The following SPIDR variants were observed in gnomAD, a reference collection of about 807,000 sequenced individuals.
SPIDR encodes DNA repair-scaffolding protein.
In SPIDR, 93 loss-of-function variants were observed where a neutral mutation model predicts 104.6. The ratio of observed to expected loss-of-function variants is 0.89; its 90% CI spans 0.75 to 1.06. The LOEUF (loss-of-function observed/expected upper bound fraction) is 1.06, where lower values mean the gene tolerates loss of function less well. Among genes scored for constraint, SPIDR ranks in the 50% least tolerant of loss-of-function variants. The probability of loss-of-function intolerance (pLI) is 0.00; values close to 1 mark genes in which losing one functional copy is unlikely to be tolerated. For missense variants in SPIDR, 1,154 were observed against 1,111.2 expected (o/e 1.04, Z -0.55); for synonymous variants, 431 against 416.9 (o/e 1.03, Z -0.41).
At chr8:47,432,309 TA>T (rs2067500689) in intron 7 of SPIDR, among the ~76,000 whole-genome samples, 1 of 152,244 alleles carries the variant, frequency 6.6e-6, no homozygotes, top group African/African-American at 2.4e-5. Context: ...TGGAATGTTT[TA>T]TTTGTTTTTC....
chr8:47,580,725 C>G (rs2059623623), intron 8 of SPIDR, among the ~76,000 whole-genome samples: 1 of 150,972 alleles, frequency 6.6e-6, no homozygotes, highest in South Asian at 2.1e-4. Flanking sequence ...TCAGTTGTTA[C>G]AAGGTCTGGT....
intron 2 of SPIDR, among the ~76,000 whole-genome samples, chr8:47,281,669 G>C (rs1261553739): frequency 6.6e-6 from 1 of 152,172 alleles, no homozygotes; most frequent in Non-Finnish European, 1.5e-5. Context: ...TTCTCTTGCT[G>C]TTTCTATCAC....
chr8:47,275,861 TG>T (rs1165523302), intron 1 of SPIDR, among the ~76,000 whole-genome samples: 1 of 152,178 alleles, frequency 6.6e-6, no homozygotes, highest in Non-Finnish European at 1.5e-5. Context: ...TTTTGTTTTT[TG>T]TTGGTTTGTT....
intron 5 of SPIDR, among the ~76,000 whole-genome samples, chr8:47,357,514 T>C (rs2054795130): frequency 6.6e-6 from 1 of 152,196 alleles, no homozygotes; most frequent in Admixed American, 6.5e-5. Flanking sequence ...GAGAAGAAAT[T>C]CGCTCAAATC....
At chr8:47,328,563 T>C (rs782566983) in intron 5 of SPIDR, among the ~76,000 whole-genome samples, 1 of 152,116 alleles carries the variant, frequency 6.6e-6, no homozygotes, top group Non-Finnish European at 1.5e-5. Context: ...CCAACTTCAT[T>C]TTTTTGAATA....
rs539500977 is a variant in SPIDR, at chr8:47,449,065, G to A, written c.1097+8523G>A. On this transcript the variant is annotated intron_variant, in intron 8 of 19. Coordinates refer to ENST00000297423, the MANE Select transcript of SPIDR (RefSeq NM_001080394.4). ...TGGAAGGGCAGAATAAATGCATCTC[G>A]GAGGCTGTGGGAGTAGCTCAAGTGT... is the stretch of plus-strand genomic sequence containing the variant. 4.6e-5 allele frequency among the ~76,000 whole-genome samples: 7 copies of A among 152,226 alleles called. No homozygotes were observed. The South Asian group carries it at 1.2e-3, about 27-fold the overall frequency.
chr8:47,569,259 A>G (rs1388793931), intron 8 of SPIDR, among the ~76,000 whole-genome samples: 1 of 152,138 alleles, frequency 6.6e-6, no homozygotes, highest in Non-Finnish European at 1.5e-5. Flanking sequence ...GTGCCCCAGA[A>G]TATAAGAAGT....
intron 19 of SPIDR, among the ~76,000 whole-genome samples, 183 bp from the exon 20 acceptor site, chr8:47,735,124 G>A (rs1015539867): frequency 3.4e-5 from 5 of 149,194 alleles, no homozygotes; most frequent in African/African-American, 1.3e-4. Flanking sequence ...GTGTGTGTGT[G>A]TGTGTGTGTG....
chr8:47,436,755 A>G (rs1204749324), intron 7 of SPIDR, among the ~76,000 whole-genome samples: 3 of 152,236 alleles, frequency 2.0e-5, no homozygotes, highest in Non-Finnish European at 4.4e-5. Context: ...TGCCTCAAGC[A>G]CATTTTTGGT....
intron 8 of SPIDR, among the ~76,000 whole-genome samples, chr8:47,558,483 C>T (rs11782572): frequency 0.44 from 67,305 of 151,686 alleles, 18,354 homozygotes; most frequent in East Asian, 0.66. Context: ...TTTGTAGCTC[C>T]GATTGAACAC....
At position 47,261,004 on chromosome 8, in the gene SPIDR, G is replaced by T. The variant is rs961010982; in HGVS notation, c.33+13G>T. 7.3e-6 allele frequency: 9 copies of T among 1,227,900 alleles called. No individual in the cohort carries two copies. The highest frequency in any genetic ancestry group is 4.7e-5 in the African/African-American group (3 of 64,152). The allele number at this position is 1,227,900 out of a possible 1,614,324, so 76.1% of individuals were successfully genotyped here. ...TCGGGGCTCTAAGGTAGGCTCTGGG[G>T]CGGGAGTGGGCGCCGCGCCGTTTCC... is the stretch of plus-strand genomic sequence containing the variant. On this transcript the variant is annotated intron_variant, in intron 1 of 19. Coordinates refer to ENST00000297423, the MANE Select transcript of SPIDR (RefSeq NM_001080394.4).
intron 2 of SPIDR, 80 bp downstream of exon 2, chr8:47,280,097 T>A (rs943048220): frequency 1.4e-6 from 2 of 1,379,952 alleles, no homozygotes; most frequent in African/African-American, 2.9e-5. Context: ...TTACATTTCA[T>A]TGTAATTCCC....
At position 47,598,995 on chromosome 8, in the gene SPIDR, A is replaced by G. The variant is rs1243485095; in HGVS notation, c.1343A>G (p.His448Arg). Residue 448 changes from histidine (H) to arginine (R), a missense_variant, in exon 10 of 20, where the codon CAC becomes CGC. By Grantham distance (29) the His-to-Arg change is conservative. Transcript: ENST00000297423. Reference sequence around the variant, plus strand: ...ACAGGGACAGCCTGGACCCATGGGCACAAAGAAGCAAAACAGCGCATCCCA... The same window carrying G: ...ACAGGGACAGCCTGGACCCATGGGCGCAAAGAAGCAAAACAGCGCATCCCA... ...ATTGTAWTHG[H>R]KEAKQRIPTS... 1 of 1,613,876 alleles carries G rather than the reference A, an allele frequency of 6.2e-7. No individual in the cohort carries two copies. Among genetic ancestry groups the G allele is most frequent in the East Asian group, 2.2e-5 (1 of 44,884 alleles).
chr8:47,578,750 T>C (rs1383223027), intron 8 of SPIDR, among the ~76,000 whole-genome samples: 1 of 152,194 alleles, frequency 6.6e-6, no homozygotes, highest in Admixed American at 6.6e-5. Flanking sequence ...ATATAAAATA[T>C]GGTCTGTTCC....
chr8:47,462,475 C>T (rs2074104144), intron 8 of SPIDR, among the ~76,000 whole-genome samples: 1 of 152,080 alleles, frequency 6.6e-6, no homozygotes, highest in Non-Finnish European at 1.5e-5. Flanking sequence ...AGTCCTGCCT[C>T]CTGTCTATCA....
intron 10 of SPIDR, chr8:47,659,620 C>G (rs2073696053): frequency 6.6e-6 from 1 of 150,808 alleles, no homozygotes; most frequent in East Asian, 2.0e-4. Context: ...GCGTCCCCGC[C>G]CCCACCCCGC....
chr8:47,511,949 C>T (rs1490854061), intron 8 of SPIDR: 2 of 789,490 alleles, frequency 2.5e-6, no homozygotes, highest in African/African-American at 1.7e-5. Flanking sequence ...TCACTAGGGG[C>T]TGTGCCTCTG....
intron 5 of SPIDR, among the ~76,000 whole-genome samples, chr8:47,354,479 A>AT (rs880000672): frequency 6.6e-6 from 1 of 151,694 alleles, no homozygotes; most frequent in Non-Finnish European, 1.5e-5. Context: ...TATTTAAATA[A>AT]TTTTTTTTAA....
At chr8:47,485,702 T>A (rs941531643) in intron 8 of SPIDR, among the ~76,000 whole-genome samples, 8 of 152,182 alleles carry the variant, frequency 5.3e-5, no homozygotes, top group Admixed American at 6.5e-5. Flanking sequence ...TCTGCAATAT[T>A]GTCTGTTCTG....
Sources: gnomAD v4.1 joint callset for allele counts (sites outside exome capture counted in the v4.1 genomes callset) on GRCh38, gnomAD v4.1.1 for gene constraint, MANE v1.5 for transcripts, NCBI Gene and HGNC (gene_info 2026-07-23, HGNC 2026-07-21) for gene names.